The following PODXL variants were observed in gnomAD, a reference collection of about 807,000 sequenced individuals.
The protein encoded by PODXL is podocalyxin like, also known as podocalyxin.
A neutral mutation model predicts 48.9 loss-of-function variants in PODXL; 20 were observed. That is an observed-to-expected ratio of 0.41 (90% CI 0.29 to 0.59). PODXL has a LOEUF of 0.59. Ranked by LOEUF, PODXL falls within the 20% of genes least tolerant of loss-of-function variation. The pLI, the probability that PODXL is intolerant of heterozygous loss-of-function variation, is 0.31. For synonymous variants in PODXL, 295 were observed against 287.4 expected (o/e 1.03, Z -0.27); for missense variants, 606 against 675.1 (o/e 0.90, Z 1.13).
intron 3 of PODXL, 104 bp from the exon 4 acceptor site, chr7:131,509,689 A>G: frequency 1.4e-6 from 1 of 737,370 alleles, no homozygotes; most frequent in South Asian, 2.7e-5. Context: ...CTTTGGTCTT[A>G]CCTCCCACAG....
At chr7:131,506,457 G>T in intron 6 of PODXL, 122 bp downstream of exon 6, 3 of 1,422,714 alleles carry the variant, frequency 2.1e-6, no homozygotes, top group South Asian at 1.2e-5. Context: ...AGGGGGTGTG[G>T]CTTGACAGTT....
At chr7:131,544,095 G>T (rs988825148) in intron 1 of PODXL, among the ~76,000 whole-genome samples, 5 of 152,180 alleles carry the variant, frequency 3.3e-5, no homozygotes, top group Non-Finnish European at 7.3e-5. Flanking sequence ...GAGGACACTG[G>T]GTTGTGAGTG....
chr7:131,545,815 C>A (rs1381958274), intron 1 of PODXL, among the ~76,000 whole-genome samples: 2 of 152,184 alleles, frequency 1.3e-5, no homozygotes, highest in African/African-American at 4.8e-5. Flanking sequence ...TCATTGAGAG[C>A]ATAACTATTA....
chr7:131,531,676 G>A (rs1037288690), intron 1 of PODXL, among the ~76,000 whole-genome samples: 5 of 152,154 alleles, frequency 3.3e-5, no homozygotes, highest in African/African-American at 1.2e-4. Flanking sequence ...TGCCCTCATG[G>A]TCACATGGCC....
At position 131,511,542 on chromosome 7, in the gene PODXL, G is replaced by A. The variant is rs1401961155; in HGVS notation, c.101-109C>T. 5.2e-6 allele frequency: 6 copies of A among 1,165,044 alleles called. No individual in the cohort carries two copies. The East Asian group carries it at 9.4e-5, about 18-fold the overall frequency. 72.2% of individuals were successfully genotyped at this position (1,165,044 alleles called of 1,614,324 possible). A position where few individuals can be genotyped will look rare whatever the true frequency, so the allele number is the denominator to read the frequency against. On this transcript the variant is annotated intron_variant, in intron 1 of 8. Coordinates refer to ENST00000378555, the MANE Select transcript of PODXL (RefSeq NM_001018111.3). ...GGCCTTGCTCGCAGCCCTGCTGTCTGCCTTGCTAAAGGCCTGGGTCTTTGG... is the reference window on the plus strand; with the variant it reads ...GGCCTTGCTCGCAGCCCTGCTGTCTACCTTGCTAAAGGCCTGGGTCTTTGG...
Position 131,531,250 on chromosome 7 carries a change from A to G in PODXL, c.101-19817T>C, listed in dbSNP as rs529093011. On this transcript the variant is annotated intron_variant, in intron 1 of 8. Transcript: ENST00000378555. ...TCTGCTCTGGAATCTTATTAATGCT[A>G]TATCCAGCCGCTTATAAACAATTGA... Among the ~76,000 whole-genome samples, 6 of 152,170 alleles carry G rather than the reference A, an allele frequency of 3.9e-5. No individual in the cohort carries two copies. The South Asian group carries it at 1.2e-3, about 32-fold the overall frequency.
In PODXL at chr7:131,556,564, T is replaced by A; in HGVS notation, c.-205A>T. The A allele has an allele frequency of 1.9e-6, 1 of 513,142 alleles. No individual in the cohort carries two copies. Among genetic ancestry groups the A allele is most frequent in the Non-Finnish European group, 2.9e-6 (1 of 342,354 alleles). The allele number at this position is 513,142 out of a possible 1,614,324, so 31.8% of individuals were successfully genotyped here. A position where few individuals can be genotyped will look rare whatever the true frequency, so the allele number is the denominator to read the frequency against. On this transcript the variant is annotated 5_prime_UTR_variant, in exon 1 of 9. Transcript: ENST00000378555. ...GAGCCGGGCTGGGGCGCAGAGCCAG[T>A]GGCAGAGGAGCGGCGGCGGCGGCGG...
At chr7:131,519,309 C>G (rs939625468) in intron 1 of PODXL, among the ~76,000 whole-genome samples, 2 of 152,110 alleles carry the variant, frequency 1.3e-5, no homozygotes, top group Admixed American at 6.5e-5. Context: ...AACTAATTCT[C>G]TTAGAGACCT....
intron 1 of PODXL, among the ~76,000 whole-genome samples, chr7:131,533,320 C>A (rs1026223150): frequency 7.2e-5 from 11 of 152,156 alleles, no homozygotes; most frequent in Non-Finnish European, 1.0e-4. Flanking sequence ...GGGGTGGGGT[C>A]GTCAGGCCTG....
At chr7:131,517,281 C>A (rs139232829) in intron 1 of PODXL, among the ~76,000 whole-genome samples, 4 of 152,224 alleles carry the variant, frequency 2.6e-5, no homozygotes, top group African/African-American at 7.2e-5. Flanking sequence ...GCAGCAAGAC[C>A]AGCGTAGTGA....
intron 1 of PODXL, among the ~76,000 whole-genome samples, chr7:131,529,693 G>C (rs1175605221): frequency 6.6e-6 from 1 of 151,986 alleles, no homozygotes; most frequent in Non-Finnish European, 1.5e-5. Flanking sequence ...AGGGAAGAGC[G>C]CAGGCTGGGA....
chr7:131,510,922 C>CG lies in PODXL; in HGVS notation c.611dup (p.His206ThrfsTer2). The CG allele has an allele frequency of 6.2e-7, 1 of 1,614,108 alleles. No individual in the cohort carries two copies. The highest frequency in any genetic ancestry group is 8.5e-7 in the Non-Finnish European group (1 of 1,180,018). On this transcript the variant is annotated frameshift_variant, in exon 2 of 9. Coordinates refer to ENST00000378555, the MANE Select transcript of PODXL (RefSeq NM_001018111.3). LOFTEE classifies it high-confidence loss of function. Reference sequence around the variant, plus strand: ...AAATTTTCATAAGATGGTCATGTCCCGAGCTTGTTGGGGTGGCCACAGGAT... The same window carrying CG: ...AAATTTTCATAAGATGGTCATGTCCCGGAGCTTGTTGGGGTGGCCACAGGAT...
intron 5 of PODXL, 93 bp downstream of exon 5, chr7:131,508,857 TA>T: frequency 1.1e-6 from 1 of 939,566 alleles, no homozygotes; most frequent in Non-Finnish European, 1.8e-6. Flanking sequence ...GAAAGATGTT[TA>T]AAAATGCACC....
chr7:131,543,418 G>T (rs1184761460), intron 1 of PODXL, among the ~76,000 whole-genome samples: 3 of 152,104 alleles, frequency 2.0e-5, no homozygotes, highest in Non-Finnish European at 4.4e-5. Context: ...GAACCACAGT[G>T]CCAGGCCATC....
chr7:131,515,482 A>C (rs2116801273), intron 1 of PODXL, among the ~76,000 whole-genome samples: 1 of 152,040 alleles, frequency 6.6e-6, no homozygotes, highest in Admixed American at 6.5e-5. Flanking sequence ...GCTCACTGCA[A>C]CCTCAGCCTC....
At chr7:131,539,698 AGGG>A (rs1233647146) in intron 1 of PODXL, among the ~76,000 whole-genome samples, 1 of 152,218 alleles carries the variant, frequency 6.6e-6, no homozygotes, top group Non-Finnish European at 1.5e-5. Context: ...GGCTGGAAGA[AGGG>A]GCAGCCAGGC....
At chr7:131,505,401 C>G (rs1797780435) in intron 8 of PODXL, among the ~76,000 whole-genome samples, 1 of 152,120 alleles carries the variant, frequency 6.6e-6, no homozygotes, top group African/African-American at 2.4e-5. Context: ...AATCCCAGCA[C>G]TTTGGGAGGC....
intron 1 of PODXL, among the ~76,000 whole-genome samples, chr7:131,530,739 T>G (rs1406919561): frequency 3.3e-5 from 4 of 119,634 alleles, no homozygotes; most frequent in East Asian, 2.5e-4. Flanking sequence ...GCCTGGGCAA[T>G]GGGGAAAGAT....
At chr7:131,506,158 A>G (rs926875915) in intron 7 of PODXL, 102 bp downstream of exon 7, 3 of 1,541,604 alleles carry the variant, frequency 1.9e-6, no homozygotes, top group Non-Finnish European at 2.7e-6. Context: ...TTCTACATGC[A>G]GGCACATGAC....
Sources: gnomAD v4.1 joint callset for allele counts (sites outside exome capture counted in the v4.1 genomes callset) on GRCh38, gnomAD v4.1.1 for gene constraint, MANE v1.5 for transcripts, NCBI Gene and HGNC (gene_info 2026-07-23, HGNC 2026-07-21) for gene names.